GRM8: variants seen among roughly 807,000 people sequenced by gnomAD.
GRM8 encodes glutamate metabotropic receptor 8, also known as metabotropic glutamate receptor 8.
GRM8 carries 47 observed loss-of-function variants against 87.2 expected under a neutral mutation model. The ratio of observed to expected loss-of-function variants is 0.54; its 90% CI spans 0.43 to 0.69. GRM8 has a LOEUF of 0.69. GRM8 is among the 30% of genes least tolerant of loss of function. The pLI is 0.00. For synonymous variants in GRM8, 396 were observed against 404.5 expected (o/e 0.98, Z 0.25); for missense variants, 1,019 against 1,139.2 (o/e 0.89, Z 1.52).
chr7:126,897,566 T>C (rs981730248), intron 6 of GRM8, among the ~76,000 whole-genome samples: 54 of 151,198 alleles, frequency 3.6e-4, no homozygotes, highest in African/African-American at 1.2e-3. Flanking sequence ...GAGAGTACAA[T>C]GAGGGAGGGA....
At chr7:126,796,131 CT>C (rs1288126576) in intron 6 of GRM8, among the ~76,000 whole-genome samples, 2 of 151,964 alleles carry the variant, frequency 1.3e-5, no homozygotes, top group Admixed American at 6.6e-5. Context: ...AAGAATATAT[CT>C]TCATAACGTA....
At chr7:126,507,576 T>G in intron 9 of GRM8, among the ~76,000 whole-genome samples, 1 of 152,094 alleles carries the variant, frequency 6.6e-6, no homozygotes, top group East Asian at 1.9e-4. Context: ...TTGCAAAAAG[T>G]AGAGCTTTAA....
Position 126,481,941 on chromosome 7 carries a change from T to G in GRM8, c.2431-35569A>C, listed in dbSNP as rs113615085. ...TTGTAAGTCTAAAAGTATCTCAAAT[T>G]TAAAAATTAGGGGAAAAACAAATAA... On this transcript the variant is annotated intron_variant, in intron 9 of 10. Coordinates refer to ENST00000339582, the MANE Select transcript of GRM8 (RefSeq NM_000845.3). 7.0e-3 allele frequency among the ~76,000 whole-genome samples: 1,072 copies of G among 152,072 alleles called. 12 individuals carry two copies. Among genetic ancestry groups the G allele is most frequent in the African/African-American group, 0.025 (1,029 of 41,516 alleles).
At chr7:126,536,556 A>G (rs963326062) in intron 8 of GRM8, among the ~76,000 whole-genome samples, 2 of 152,132 alleles carry the variant, frequency 1.3e-5, no homozygotes, top group African/African-American at 4.8e-5. Flanking sequence ...ATTGGGTTTT[A>G]ATGACTTAAA....
intron 8 of GRM8, among the ~76,000 whole-genome samples, chr7:126,553,051 T>A (rs1792759131): frequency 6.6e-6 from 1 of 152,088 alleles, no homozygotes; most frequent in African/African-American, 2.4e-5. Context: ...TAGTTAGCAA[T>A]AATCATCATC....
intron 2 of GRM8, among the ~76,000 whole-genome samples, chr7:127,154,375 G>A (rs966157525): frequency 6.6e-6 from 1 of 151,982 alleles, no homozygotes; most frequent in Admixed American, 6.6e-5. Context: ...AAGTGATGTT[G>A]TAAGTCCCAA....
intron 7 of GRM8, among the ~76,000 whole-genome samples, chr7:126,623,654 C>G (rs1183866655): frequency 6.6e-6 from 1 of 152,166 alleles, no homozygotes; most frequent in Non-Finnish European, 1.5e-5. Context: ...GGACTGAACC[C>G]CCCTTCAATC....
chr7:126,533,023 T>C lies in GRM8; in HGVS notation c.2359A>G (p.Met787Val), dbSNP rs1385769267. 6.2e-7 allele frequency: 1 copy of C among 1,613,520 alleles called. No homozygotes were observed. The highest frequency in any genetic ancestry group is 8.5e-7 in the Non-Finnish European group (1 of 1,179,800). The change falls in exon 9 of 11, where the codon ATG becomes GTG. Residue 787 changes from methionine (M) to valine (V), a missense_variant. Transcript: ENST00000339582. ...AACCAAATGATGCAGGTGGTATACATGGTAAATCCAATAGGTTTGGCTTCA... is the reference window on the plus strand; with the variant it reads ...AACCAAATGATGCAGGTGGTATACACGGTAAATCCAATAGGTTTGGCTTCA... ...FNEAKPIGFTMYTTCIIWLAF... is the reference protein window; with the variant it reads ...FNEAKPIGFTVYTTCIIWLAF...
intron 7 of GRM8, among the ~76,000 whole-genome samples, chr7:126,745,365 C>T (rs1022466788): frequency 4.5e-5 from 5 of 111,582 alleles, no homozygotes; most frequent in Non-Finnish European, 6.4e-5. Context: ...TTACAATTTC[C>T]ATTGTTATTC....
intron 8 of GRM8, among the ~76,000 whole-genome samples, chr7:126,595,080 TA>T (rs1273562688): frequency 6.6e-6 from 1 of 152,132 alleles, no homozygotes; most frequent in Non-Finnish European, 1.5e-5. Flanking sequence ...ATATGCTCAG[TA>T]AAAAAAGCTA....
chr7:126,633,067 T>C (rs1185409359), intron 7 of GRM8, among the ~76,000 whole-genome samples: 1 of 152,058 alleles, frequency 6.6e-6, no homozygotes, highest in East Asian at 1.9e-4. Flanking sequence ...GCTTTGAATA[T>C]AGGAAATATG....
chr7:126,594,800 T>C (rs778117137), intron 8 of GRM8, among the ~76,000 whole-genome samples: 9 of 152,178 alleles, frequency 5.9e-5, no homozygotes, highest in Non-Finnish European at 1.2e-4. Flanking sequence ...ACAACGTATA[T>C]ATACTTCAAA....
At chr7:126,586,629 T>C (rs1024941710) in intron 8 of GRM8, among the ~76,000 whole-genome samples, 3 of 152,342 alleles carry the variant, frequency 2.0e-5, no homozygotes, top group African/African-American at 4.8e-5. Context: ...GATAGCCATA[T>C]GTAGAAAGCT....
intron 8 of GRM8, among the ~76,000 whole-genome samples, chr7:126,572,940 A>AACGG (rs939149616): frequency 3.8e-4 from 58 of 152,320 alleles, no homozygotes; most frequent in African/African-American, 1.4e-3. Flanking sequence ...CATAACCACA[A>AACGG]ACGGTGCAAG....
At chr7:127,040,515 G>A (rs1232180467) in intron 3 of GRM8, among the ~76,000 whole-genome samples, 1 of 151,546 alleles carries the variant, frequency 6.6e-6, no homozygotes, top group East Asian at 2.0e-4. Flanking sequence ...CTCTACAAGA[G>A]TAAAACCAGT....
chr7:126,620,745 C>A lies in GRM8; in HGVS notation c.1358-11247G>T, dbSNP rs557835767. 6.6e-5 allele frequency among the ~76,000 whole-genome samples: 10 copies of A among 152,234 alleles called. No individual in the cohort carries two copies. In the South Asian group the frequency reaches 2.1e-3, roughly 32 times the overall value. The stretch of plus-strand genomic sequence containing the variant: ...TGGTACACAATAGATGTGCAATGAA[C>A]GCAAACACTCATCATCTTCCATTCC... On this transcript the variant is annotated intron_variant, in intron 7 of 10. Coordinates refer to ENST00000339582, the MANE Select transcript of GRM8 (RefSeq NM_000845.3).
chr7:127,034,639 G>A (rs1817681958), intron 3 of GRM8, among the ~76,000 whole-genome samples: 1 of 152,044 alleles, frequency 6.6e-6, no homozygotes, highest in African/African-American at 2.4e-5. Context: ...TTACAAAATT[G>A]GTTATACAAT....
chr7:126,900,333 A>T (rs1478722332), intron 6 of GRM8, among the ~76,000 whole-genome samples: 1 of 152,096 alleles, frequency 6.6e-6, no homozygotes, highest in Non-Finnish European at 1.5e-5. Context: ...GACCTCCCTG[A>T]TAGAGGTTTA....
chr7:126,941,122 C>A (rs183253311), intron 3 of GRM8, among the ~76,000 whole-genome samples: 61 of 152,282 alleles, frequency 4.0e-4, no homozygotes, highest in African/African-American at 1.5e-3. Context: ...TGTCATCATA[C>A]ATGGGGACTT....
Sources: gnomAD v4.1 joint callset for allele counts (sites outside exome capture counted in the v4.1 genomes callset) on GRCh38, gnomAD v4.1.1 for gene constraint, MANE v1.5 for transcripts, NCBI Gene and HGNC (gene_info 2026-07-23, HGNC 2026-07-21) for gene names.